ATXN1: variants seen among roughly 807,000 people sequenced by gnomAD.
ATXN1 encodes ataxin-1.
Under a neutral mutation model 56.4 loss-of-function variants are expected in ATXN1, and 8 were observed. The observed-to-expected ratio is 0.14, with a 90% CI of 0.08 to 0.26. The LOEUF (loss-of-function observed/expected upper bound fraction) is 0.26, where lower values mean the gene tolerates loss of function less well. ATXN1 is among the 10% of genes least tolerant of loss of function. The probability of loss-of-function intolerance (pLI) is 1.00; values close to 1 mark genes in which losing one functional copy is unlikely to be tolerated. For synonymous variants in ATXN1, 514 were observed against 494.6 expected (o/e 1.04, Z -0.52); for missense variants, 987 against 1,106.5 (o/e 0.89, Z 1.53).
At chr6:16,642,907 CA>C (rs1763731748) in intron 3 of ATXN1, among the ~76,000 whole-genome samples, 1 of 152,008 alleles carries the variant, frequency 6.6e-6, no homozygotes, top group African/African-American at 2.4e-5. Context: ...ACTGGAAAAC[CA>C]AAAAATTTGT....
chr6:16,522,865 A>C (rs945354187), intron 4 of ATXN1, among the ~76,000 whole-genome samples, 177 bp from the exon 5 acceptor site: 5 of 152,158 alleles, frequency 3.3e-5, no homozygotes, highest in African/African-American at 1.2e-4. Context: ...GACTATATGA[A>C]TTTTAAAAGC....
rs1554150511 is a variant in ATXN1 at position 16,471,191 on chromosome 6, A to AACACATACAC, written c.-161+14780_-161+14781insGTGTATGTGT. Among the ~76,000 whole-genome samples, 874 of 148,098 alleles carry AACACATACAC rather than the reference A, an allele frequency of 5.9e-3. 4 individuals are homozygous for AACACATACAC. The highest frequency in any genetic ancestry group is 0.02 in the African/African-American group (825 of 40,298). ...TATCTGAAAGACTTCTGGCAATTAA[A>AACACATACAC]ACACACACACACACACACACACACA... On this transcript the variant is annotated intron_variant, in intron 6 of 7. Coordinates refer to ENST00000436367, the MANE Select transcript of ATXN1 (RefSeq NM_001128164.2).
chr6:16,531,623 CAAAA>C (rs5874561), intron 4 of ATXN1, among the ~76,000 whole-genome samples: 3 of 102,536 alleles, frequency 2.9e-5, no homozygotes, highest in Admixed American at 9.6e-5. Context: ...AACTGTGTCT[CAAAA>C]AAAAAAAAAA....
chr6:16,604,355 G>A (rs1762964161), intron 3 of ATXN1, among the ~76,000 whole-genome samples: 1 of 150,964 alleles, frequency 6.6e-6, no homozygotes, highest in South Asian at 2.1e-4. Flanking sequence ...AAATTATCGT[G>A]GCACGTGGTG....
chr6:16,677,588 G>C (rs976683250), intron 2 of ATXN1, among the ~76,000 whole-genome samples: 6 of 152,102 alleles, frequency 3.9e-5, no homozygotes, highest in Non-Finnish European at 7.4e-5. Context: ...TATCTCATCT[G>C]TTTTGCCTGT....
intron 1 of ATXN1, chr6:16,761,067 C>CAT: frequency 1.5e-5 from 1 of 66,644 alleles, no homozygotes; most frequent in Non-Finnish European, 3.2e-5. Flanking sequence ...TACACACATA[C>CAT]ACACACACAC....
chr6:16,499,895 C>T (rs760293106), intron 5 of ATXN1, among the ~76,000 whole-genome samples: 2 of 152,192 alleles, frequency 1.3e-5, no homozygotes, highest in Admixed American at 6.5e-5. Flanking sequence ...ACATTGTGAC[C>T]ACCCAGAGAG....
chr6:16,538,740 C>T (rs1011830106), intron 4 of ATXN1, among the ~76,000 whole-genome samples: 1 of 152,164 alleles, frequency 6.6e-6, no homozygotes, highest in Non-Finnish European at 1.5e-5. Flanking sequence ...GGATGGAGTG[C>T]AATGGCACTA....
At chr6:16,488,124 G>A (rs1225112793) in intron 5 of ATXN1, among the ~76,000 whole-genome samples, 1 of 152,156 alleles carries the variant, frequency 6.6e-6, no homozygotes, top group Non-Finnish European at 1.5e-5. Context: ...TTCGGTGAGA[G>A]GAACACCCCT....
chr6:16,435,659 G>C (rs901480787), intron 6 of ATXN1, among the ~76,000 whole-genome samples: 3 of 152,056 alleles, frequency 2.0e-5, no homozygotes, highest in African/African-American at 7.2e-5. Flanking sequence ...GCAGGAGACA[G>C]GGGTGGACCG....
At chr6:16,430,961 T>G (rs1000293115) in intron 6 of ATXN1, among the ~76,000 whole-genome samples, 38 of 152,196 alleles carry the variant, frequency 2.5e-4, no homozygotes, top group Non-Finnish European at 4.8e-4. Flanking sequence ...TTGAGATTTT[T>G]TTGTTGTTCT....
At position 16,388,019 on chromosome 6, in the gene ATXN1, A is replaced by G. The variant is rs563026226; in HGVS notation, c.-160-59549T>C. ...CAGTCAGTGGAGGAGCCAAGATGTG[A>G]ATCCAGGTTCCTCCGACCCCAAGTC... On this transcript the variant is annotated intron_variant, in intron 6 of 7. Transcript: ENST00000436367. Among the ~76,000 whole-genome samples the G allele has an allele frequency of 4.6e-5, 7 of 152,312 alleles. No individual in the cohort carries two copies. The East Asian group carries it at 1.3e-3, about 29-fold the overall frequency.
chr6:16,325,118 G>GTT (rs11326648), intron 7 of ATXN1, among the ~76,000 whole-genome samples: 42 of 143,910 alleles, frequency 2.9e-4, no homozygotes, highest in East Asian at 6.0e-4. Context: ...CCTTCCATCT[G>GTT]TTTTTTTTTT....
intron 6 of ATXN1, among the ~76,000 whole-genome samples, chr6:16,448,928 T>C (rs972882779): frequency 2.6e-5 from 4 of 152,246 alleles, no homozygotes; most frequent in Admixed American, 2.6e-4. Context: ...TTTGTTGCTG[T>C]TGTTGTGAGG....
intron 5 of ATXN1, among the ~76,000 whole-genome samples, chr6:16,508,024 C>G (rs1026651223): frequency 6.6e-6 from 1 of 152,138 alleles, no homozygotes; most frequent in Non-Finnish European, 1.5e-5. Context: ...ATGTAGGATG[C>G]CTCCCTATAG....
At chr6:16,528,841 G>A (rs777519211) in intron 4 of ATXN1, among the ~76,000 whole-genome samples, 17 of 152,074 alleles carry the variant, frequency 1.1e-4, no homozygotes, top group South Asian at 2.1e-4. Flanking sequence ...CAACATGCAC[G>A]AGAGATTAAA....
chr6:16,755,053 T>C (rs1309527384), intron 1 of ATXN1, among the ~76,000 whole-genome samples: 1 of 152,224 alleles, frequency 6.6e-6, no homozygotes, highest in African/African-American at 2.4e-5. Flanking sequence ...TGTTTGCCTA[T>C]ATGACAATGT....
intron 3 of ATXN1, among the ~76,000 whole-genome samples, chr6:16,614,567 TA>T (rs1295395919): frequency 7.9e-5 from 12 of 151,632 alleles, no homozygotes; most frequent in Admixed American, 7.2e-4. Flanking sequence ...TTTGCCACAG[TA>T]AAAGATATCT....
chr6:16,557,926 A>G (rs1206523523), intron 4 of ATXN1, among the ~76,000 whole-genome samples: 2 of 152,268 alleles, frequency 1.3e-5, no homozygotes, highest in African/African-American at 4.8e-5. Context: ...GTAAGGCCAC[A>G]CATTATATGG....
Sources: allele counts gnomAD v4.1 joint callset (sites outside exome capture counted in the v4.1 genomes callset), GRCh38; gene constraint gnomAD v4.1.1; transcripts MANE v1.5; gene names NCBI Gene and HGNC (gene_info 2026-07-23, HGNC 2026-07-21).